TCERG1: variants seen among roughly 807,000 people sequenced by gnomAD.
TCERG1 encodes the protein transcription elongation regulator 1.
Under a neutral mutation model 144.7 loss-of-function variants are expected in TCERG1, and 37 were observed. That is an observed-to-expected ratio of 0.26 (90% CI 0.20 to 0.34). The LOEUF (loss-of-function observed/expected upper bound fraction) is 0.34, where lower values mean the gene tolerates loss of function less well. Among genes scored for constraint, TCERG1 ranks in the 10% least tolerant of loss-of-function variants. The pLI is 1.00. For synonymous variants in TCERG1, 492 were observed against 458.2 expected, an observed-to-expected ratio of 1.07 and a Z score of -0.94; for missense variants, 1,027 against 1,380.7, an observed-to-expected ratio of 0.74 and a Z score of 4.06.
At chr5:146,467,361 G>GA (rs957456478) in intron 5 of TCERG1, among the ~76,000 whole-genome samples, 2 of 151,490 alleles carry the variant, frequency 1.3e-5, no homozygotes, top group Non-Finnish European at 2.9e-5. Context: ...TTTTTCAGCT[G>GA]AAAAAAATAA....
intron 15 of TCERG1, 50 bp downstream of exon 15, chr5:146,483,679 G>T (rs757158633): frequency 7.7e-7 from 1 of 1,296,840 alleles, no homozygotes; most frequent in South Asian, 1.4e-5. Flanking sequence ...TGCCAACATA[G>T]TTTTTAAATT....
In TCERG1 at chr5:146,511,456, T is replaced by C. The variant is rs1768449386; in HGVS notation, c.*814T>C. ...TTGCTAAAGTTTAATTTTAAGATGTTTGAATGTTCAGTTTATGTATTTGAA... is the reference window on the plus strand; with the variant it reads ...TTGCTAAAGTTTAATTTTAAGATGTCTGAATGTTCAGTTTATGTATTTGAA... On this transcript the variant is annotated 3_prime_UTR_variant, in exon 23 of 23. Coordinates refer to ENST00000679501, the MANE Select transcript of TCERG1 (RefSeq NM_001382548.1). 1 of 152,674 alleles carries C rather than the reference T, an allele frequency of 6.5e-6. No homozygotes were observed. Among genetic ancestry groups the C allele is most frequent in the Non-Finnish European group, 1.5e-5 (1 of 68,040 alleles). The allele number at this position is 152,674 out of a possible 1,614,324, so 9.5% of individuals were successfully genotyped here.
intron 15 of TCERG1, among the ~76,000 whole-genome samples, chr5:146,487,087 C>CAA (rs397831135): frequency 6.7e-5 from 10 of 149,696 alleles, no homozygotes; most frequent in East Asian, 5.9e-4. Context: ...GACTCTGTCT[C>CAA]AAAAAAAAAG....
chr5:146,478,781 C>A, intron 10 of TCERG1, 128 bp downstream of exon 10: 1 of 875,176 alleles, frequency 1.1e-6, no homozygotes, highest in African/African-American at 1.7e-5. Context: ...AAAAAATAGA[C>A]TGCTATCCTA....
intron 1 of TCERG1, among the ~76,000 whole-genome samples, chr5:146,451,612 C>T (rs906747277): frequency 1.1e-4 from 17 of 150,656 alleles, no homozygotes; most frequent in African/African-American, 3.7e-4. Context: ...CGTGAGCCAC[C>T]GGGGGGCGTC....
chr5:146,495,107 C>T (rs1343713315), intron 16 of TCERG1, among the ~76,000 whole-genome samples: 1 of 152,136 alleles, frequency 6.6e-6, no homozygotes, highest in African/African-American at 2.4e-5. Context: ...TGATTTTCCA[C>T]TTTTTAAAAG....
At chr5:146,450,096 T>C (rs1762226320) in intron 1 of TCERG1, among the ~76,000 whole-genome samples, 1 of 152,230 alleles carries the variant, frequency 6.6e-6, no homozygotes, top group Admixed American at 6.5e-5. Flanking sequence ...CAATAATGTG[T>C]TTTAATGTGT....
At chr5:146,475,951 T>C (rs1006901311) in intron 9 of TCERG1, among the ~76,000 whole-genome samples, 4 of 152,238 alleles carry the variant, frequency 2.6e-5, no homozygotes, top group Admixed American at 1.3e-4. Context: ...TTTATCCTTA[T>C]TGATGTTTAA....
chr5:146,463,627 T>G lies in TCERG1; in HGVS notation c.969T>G (p.Ala323=). The G allele has an allele frequency of 6.2e-7, 1 of 1,614,218 alleles. No individual in the cohort carries two copies. Among genetic ancestry groups the G allele is most frequent in the African/African-American group, 1.3e-5 (1 of 75,068 alleles). The change falls in exon 5 of 23, where the codon GCT becomes GCG. Residue 323 remains alanine (A), a synonymous_variant. Transcript: ENST00000679501. ...CTACAGTTAGTGTTTCAACTCCTGC[T>G]CCTACAGCCACACCTGTGCAAACCG... ...ATPTVSVSTP[A]PTATPVQTVP...
At chr5:146,495,778 A>C (rs185472077) in intron 16 of TCERG1, among the ~76,000 whole-genome samples, 8 of 152,334 alleles carry the variant, frequency 5.3e-5, no homozygotes, top group Admixed American at 6.5e-5. Flanking sequence ...TTTTGCATTT[A>C]AATAACTAAA....
At chr5:146,455,418 A>AAT in intron 2 of TCERG1, 137 bp downstream of exon 2, 1 of 977,310 alleles carries the variant, frequency 1.0e-6, no homozygotes, top group Non-Finnish European at 1.5e-6. Flanking sequence ...TCCATATATT[A>AAT]ATATGTTTCT....
rs775363779 is a variant in TCERG1 at position 146,480,101 on chromosome 5, A to G, written c.1886+7A>G. The G allele has an allele frequency of 6.3e-7, 1 of 1,576,262 alleles. No individual in the cohort carries two copies. Among genetic ancestry groups the G allele is most frequent in the Admixed American group, 1.9e-5 (1 of 53,228 alleles). On this transcript the variant is annotated splice_region_variant and intron_variant, in intron 12 of 22. Coordinates refer to ENST00000679501, the MANE Select transcript of TCERG1 (RefSeq NM_001382548.1). ...TTAAAGCAAAAAAACGGAAGTAAGT[A>G]ATACATACGATTTGATTGAGGTAGA...
chr5:146,465,241 C>A (rs1200821555), intron 5 of TCERG1, among the ~76,000 whole-genome samples: 2 of 152,068 alleles, frequency 1.3e-5, no homozygotes, highest in East Asian at 1.9e-4. Flanking sequence ...AGTATTAAGA[C>A]CAGATCGTGG....
chr5:146,480,337 A>C (rs570205594), intron 12 of TCERG1: 1 of 266,866 alleles, frequency 3.7e-6, no homozygotes, highest in African/African-American at 2.2e-5. Flanking sequence ...TTTTGGAATT[A>C]ATTCTTTTTG....
Position 146,507,012 on chromosome 5 carries a change from A to G in TCERG1, c.2782-16A>G. 1.3e-6 allele frequency: 2 copies of G among 1,551,014 alleles called. No homozygotes were observed. The highest frequency in any genetic ancestry group is 2.8e-5 in the African/African-American group (2 of 71,852). On this transcript the variant is annotated splice_polypyrimidine_tract_variant and intron_variant, in intron 19 of 22. Transcript: ENST00000679501. This position sits in a 1 kb window ranked among gnomAD's most constrained non-coding sequence, Gnocchi z 4.6. ...TAAGTCTCTTTGGTGATATATATAT[A>G]ATTTTTTCTCTTCAGGTACGTTCTT... is the stretch of plus-strand genomic sequence containing the variant.
chr5:146,510,356 G>T, intron 22 of TCERG1, 85 bp from the exon 23 acceptor site: 4 of 933,562 alleles, frequency 4.3e-6, no homozygotes, highest in Non-Finnish European at 3.2e-6. Context: ...AACACAATTA[G>T]GAACTAGATG....
intron 15 of TCERG1, among the ~76,000 whole-genome samples, chr5:146,490,517 G>T (rs10066923): frequency 6.6e-6 from 1 of 152,012 alleles, no homozygotes; most frequent in Non-Finnish European, 1.5e-5. Flanking sequence ...TCTAGTGTTC[G>T]TTGTTTTTGA....
chr5:146,489,480 C>T (rs145571847), intron 15 of TCERG1, among the ~76,000 whole-genome samples: 23 of 152,122 alleles, frequency 1.5e-4, no homozygotes, highest in East Asian at 9.7e-4. Context: ...CATGATTACT[C>T]GGAATTGTCA....
In TCERG1 at chr5:146,479,877, G is replaced by A; in HGVS notation, c.1785G>A (p.Leu595=). 6.2e-7 allele frequency: 1 copy of A among 1,613,540 alleles called. No homozygotes were observed. Among genetic ancestry groups the A allele is most frequent in the Non-Finnish European group, 8.5e-7 (1 of 1,179,648 alleles). ...CAGGGCACCCAACTCCGACAATGCT[G>A]TCGATCCAAAAGTGGCAATTCTCTA... ...KKLRHPTPTM[L]SIQKWQFSMS... The change falls in exon 11 of 23, where the codon CTG becomes CTA. Residue 595 remains leucine, a synonymous_variant. Coordinates refer to ENST00000679501, the MANE Select transcript of TCERG1 (RefSeq NM_001382548.1).
Sources: allele counts gnomAD v4.1 joint callset (sites outside exome capture counted in the v4.1 genomes callset), GRCh38; gene constraint gnomAD v4.1.1; non-coding constraint Gnocchi (gnomAD v3.1); transcripts MANE v1.5; gene names NCBI Gene and HGNC (gene_info 2026-07-23, HGNC 2026-07-21).